Variants in LRP1B observed in about 807,000 individuals in gnomAD.
LRP1B encodes LDL receptor related protein 1B, also known as low-density lipoprotein receptor-related protein 1B.
In LRP1B, 217 loss-of-function variants were observed where a neutral mutation model predicts 556.6. The ratio of observed to expected loss-of-function variants is 0.39; its 90% CI spans 0.35 to 0.44. The LOEUF is 0.44. Among genes scored for constraint, LRP1B ranks in the 20% least tolerant of loss-of-function variants. LRP1B has a pLI of 1.00. For missense variants in LRP1B, 5,053 were observed against 5,620.8 expected, an observed-to-expected ratio of 0.90 and a Z score of 3.23; for synonymous variants, 2,047 against 1,865.8, an observed-to-expected ratio of 1.10 and a Z score of -2.50.
At chr2:141,351,515 C>T (rs909305474) in intron 3 of LRP1B, among the ~76,000 whole-genome samples, 17 of 151,934 alleles carry the variant, frequency 1.1e-4, no homozygotes, top group Middle Eastern at 3.2e-3. Flanking sequence ...AGTACAAGGC[C>T]TATTTCTCTC....
chr2:141,662,092 G>A (rs982256506), intron 2 of LRP1B, among the ~76,000 whole-genome samples: 1 of 152,120 alleles, frequency 6.6e-6, no homozygotes, highest in Non-Finnish European at 1.5e-5. Context: ...AGCTTCATAA[G>A]CAAAGGAGAA....
chr2:141,739,920 T>C (rs556477087), intron 2 of LRP1B, among the ~76,000 whole-genome samples: 4 of 152,146 alleles, frequency 2.6e-5, no homozygotes, highest in African/African-American at 9.6e-5. Flanking sequence ...ATACTATATA[T>C]CAAATCATTA....
intron 1 of LRP1B, among the ~76,000 whole-genome samples, chr2:142,042,211 G>C (rs1314075527): frequency 6.6e-6 from 1 of 151,284 alleles, no homozygotes; most frequent in Non-Finnish European, 1.5e-5. Context: ...GCCTTACTTG[G>C]CAGTAATCTA....
chr2:140,331,445 G>A (rs1181811257), intron 79 of LRP1B, among the ~76,000 whole-genome samples: 4 of 151,766 alleles, frequency 2.6e-5, no homozygotes, highest in South Asian at 2.1e-4. Context: ...GCACATATTC[G>A]AATCACTCCT....
chr2:141,594,128 G>A (rs1350764270), intron 2 of LRP1B, among the ~76,000 whole-genome samples: 1 of 152,044 alleles, frequency 6.6e-6, no homozygotes, highest in African/African-American at 2.4e-5. Flanking sequence ...TCCATAAGAG[G>A]CCCCAGACCT....
chr2:141,836,540 C>T (rs1697285946), intron 1 of LRP1B, among the ~76,000 whole-genome samples: 1 of 151,898 alleles, frequency 6.6e-6, no homozygotes, highest in South Asian at 2.1e-4. Flanking sequence ...AAAAGAGCAT[C>T]ACCGGCAAAT....
intron 83 of LRP1B, among the ~76,000 whole-genome samples, chr2:140,312,283 A>G (rs1447721055): frequency 6.6e-6 from 1 of 151,922 alleles, no homozygotes; most frequent in Non-Finnish European, 1.5e-5. Flanking sequence ...CCTCAGCATA[A>G]CTCCAAACTT....
Position 140,335,789 on chromosome 2 carries a change from C to A in LRP1B, c.11942G>T (p.Gly3981Val), listed in dbSNP as rs2105087015. 6.2e-7 allele frequency: 1 copy of A among 1,612,738 alleles called. No homozygotes were observed. Reference protein sequence around the residue: ...PRDIAVDWVAGNIYWTDHSRM... With the variant: ...PRDIAVDWVAVNIYWTDHSRM... The stretch of plus-strand genomic sequence containing the variant: ...AGAATGATCAGTCCAGTAAATGTTT[C>A]CAGCCACCCAGTCAACTGCAATGTC... Residue 3981 changes from glycine (G) to valine (V), a missense_variant, in exon 78 of 91, where the codon GGA (glycine) becomes GTA (valine). Gly to Val is a moderately radical substitution (Grantham distance 109, BLOSUM62 -3). Coordinates refer to ENST00000389484, the MANE Select transcript of LRP1B (RefSeq NM_018557.3).
intron 3 of LRP1B, among the ~76,000 whole-genome samples, chr2:141,306,280 CT>C (rs536286428): frequency 6.6e-6 from 1 of 151,968 alleles, no homozygotes; most frequent in Non-Finnish European, 1.5e-5. Context: ...GAGTAATGGA[CT>C]TTTTTTAATT....
In LRP1B at chr2:140,335,759, A is replaced by G. The variant is rs1279238450; in HGVS notation, c.11972T>C (p.Met3991Thr). ...GNIYWTDHSR[M>T]HWFSYYTTHW... Reference sequence around the variant, plus strand: ...AGTAGTGTAGTAACTGAACCAATGCATTCTAGAATGATCAGTCCAGTAAAT... The same window carrying G: ...AGTAGTGTAGTAACTGAACCAATGCGTTCTAGAATGATCAGTCCAGTAAAT... The change falls in exon 78 of 91, where the codon ATG becomes ACG. Residue 3991 changes from methionine (M) to threonine (T), a missense_variant. Physicochemically the swap from Met to Thr is moderately conservative, Grantham distance 81 (BLOSUM62 -1). Coordinates refer to ENST00000389484, the MANE Select transcript of LRP1B (RefSeq NM_018557.3). 2 of 1,612,928 alleles carry G rather than the reference A, an allele frequency of 1.2e-6. No individual in the cohort carries two copies. Among genetic ancestry groups the G allele is most frequent in the Non-Finnish European group, 1.7e-6 (2 of 1,179,258 alleles).
chr2:140,572,815 A>G (rs1330140096), intron 43 of LRP1B, among the ~76,000 whole-genome samples: 4 of 150,938 alleles, frequency 2.7e-5, no homozygotes, highest in Admixed American at 2.0e-4. Context: ...AATAAAATAA[A>G]ATAAAATAAA....
At chr2:141,579,883 G>T (rs779086547) in intron 2 of LRP1B, among the ~76,000 whole-genome samples, 2 of 151,958 alleles carry the variant, frequency 1.3e-5, no homozygotes, top group Non-Finnish European at 2.9e-5. Context: ...TGTATTTTTA[G>T]TAGAGACAGG....
intron 2 of LRP1B, among the ~76,000 whole-genome samples, chr2:141,610,858 G>A (rs1261039442): frequency 4.6e-5 from 7 of 152,174 alleles, no homozygotes. Context: ...TTCACCCTCA[G>A]ACTATAACTG....
chr2:141,608,561 C>G (rs1317929305), intron 2 of LRP1B, among the ~76,000 whole-genome samples: 6 of 152,058 alleles, frequency 3.9e-5, no homozygotes, highest in Non-Finnish European at 8.8e-5. Flanking sequence ...GGGAAATAAC[C>G]CTCACACAAA....
chr2:141,696,737 T>C (rs934497712), intron 2 of LRP1B, among the ~76,000 whole-genome samples: 1 of 151,968 alleles, frequency 6.6e-6, no homozygotes, highest in African/African-American at 2.4e-5. Flanking sequence ...ATGGAGAGAT[T>C]CAATTTTGAG....
chr2:140,825,097 C>T (rs116881741), intron 31 of LRP1B, among the ~76,000 whole-genome samples: 2,918 of 152,098 alleles, frequency 0.019, 129 homozygotes, highest in East Asian at 0.17. Context: ...AAAATACAGT[C>T]CTAAAAGTGT....
intron 23 of LRP1B, among the ~76,000 whole-genome samples, chr2:140,902,461 T>C (rs1694131945): frequency 6.6e-6 from 1 of 152,044 alleles, no homozygotes; most frequent in African/African-American, 2.4e-5. Context: ...CTAAAGCCCT[T>C]GTTTGCCTTT....
chr2:141,154,564 C>T (rs986699472), intron 7 of LRP1B, among the ~76,000 whole-genome samples: 13 of 151,830 alleles, frequency 8.6e-5, no homozygotes, highest in Middle Eastern at 3.2e-3. Flanking sequence ...TGAGAATACT[C>T]TTTAGGGAGA....
chr2:141,810,165 G>GAAA (rs1217792565), intron 2 of LRP1B, 114 bp downstream of exon 2: 1 of 364,432 alleles, frequency 2.7e-6, no homozygotes, highest in Non-Finnish European at 3.7e-6. Flanking sequence ...AAGAAAGAAA[G>GAAA]AAGGAAAGAA....
Sources: allele counts gnomAD v4.1 joint callset (sites outside exome capture counted in the v4.1 genomes callset), GRCh38; gene constraint gnomAD v4.1.1; transcripts MANE v1.5; gene names NCBI Gene and HGNC (gene_info 2026-07-23, HGNC 2026-07-21).